Variants in GATAD2B observed in about 807,000 individuals in gnomAD.
GATAD2B encodes GATA zinc finger domain containing 2B, also known as transcriptional repressor p66-beta.
A neutral mutation model predicts 64.3 loss-of-function variants in GATAD2B; 8 were observed. The ratio of observed to expected loss-of-function variants is 0.12; its 90% CI spans 0.07 to 0.22. The LOEUF is 0.22. GATAD2B is among the 10% of genes least tolerant of loss of function. The probability of loss-of-function intolerance (pLI) is 1.00; values close to 1 mark genes in which losing one functional copy is unlikely to be tolerated. For synonymous variants in GATAD2B, 281 were observed against 271.3 expected, an observed-to-expected ratio of 1.04 and a Z score of -0.35; for missense variants, 453 against 752.0, an observed-to-expected ratio of 0.60 and a Z score of 4.65.
intron 1 of GATAD2B, among the ~76,000 whole-genome samples, chr1:153,847,044 G>A (rs1156583181): frequency 6.6e-6 from 1 of 152,004 alleles, no homozygotes; most frequent in African/African-American, 2.4e-5. Context: ...CTGGCTCACT[G>A]CAACCTCTGC....
intron 1 of GATAD2B, among the ~76,000 whole-genome samples, chr1:153,876,896 G>A (rs962104474): frequency 1.3e-5 from 2 of 152,042 alleles, no homozygotes; most frequent in Non-Finnish European, 2.9e-5. Flanking sequence ...TCAGCTACTC[G>A]GGAGGCTGAG....
At chr1:153,838,586 G>A (rs1333606641) in intron 1 of GATAD2B, among the ~76,000 whole-genome samples, 1 of 151,858 alleles carries the variant, frequency 6.6e-6, no homozygotes, top group African/African-American at 2.4e-5. Context: ...ACTGAAGCCT[G>A]GGCCCCCGGG....
rs1295660271 is a variant in GATAD2B at position 153,851,533 on chromosome 1, G to A, written c.-1-23185C>T. On this transcript the variant is annotated intron_variant, in intron 1 of 10. Transcript: ENST00000368655. The stretch of plus-strand genomic sequence containing the variant: ...TTGATGTGTACTTCTCTGATGATTA[G>A]CAATGTTGAGCAATTTTTCATATAC... 2.6e-5 allele frequency among the ~76,000 whole-genome samples: 4 copies of A among 152,200 alleles called. No homozygotes were observed. In the South Asian group the frequency reaches 6.2e-4, roughly 24 times the overall value.
chr1:153,861,842 G>A lies in GATAD2B; in HGVS notation c.-1-33494C>T, dbSNP rs901933475. 5.0e-5 allele frequency among the ~76,000 whole-genome samples: 7 copies of A among 138,918 alleles called. No homozygotes were observed. The South Asian group carries it at 1.6e-3, about 32-fold the overall frequency. The allele number at this position is 138,918 out of a possible 152,430, so 91.1% of individuals were successfully genotyped here. ...TGTATATATATGTATATGTATATATGTATGTACGTATATGTATATATGTAT... is the reference window on the plus strand; with the variant it reads ...TGTATATATATGTATATGTATATATATATGTACGTATATGTATATATGTAT... On this transcript the variant is annotated intron_variant, in intron 1 of 10. Transcript: ENST00000368655.
chr1:153,868,512 T>C (rs1419151093), intron 1 of GATAD2B, among the ~76,000 whole-genome samples: 1 of 151,988 alleles, frequency 6.6e-6, no homozygotes, highest in Non-Finnish European at 1.5e-5. Context: ...AGGTAGGAGT[T>C]CTTTTTTAAA....
At chr1:153,911,593 G>A (rs566447797) in intron 1 of GATAD2B, among the ~76,000 whole-genome samples, 9 of 152,032 alleles carry the variant, frequency 5.9e-5, no homozygotes, top group East Asian at 1.9e-4. Flanking sequence ...AAAATCAGCC[G>A]GGCATGGTGG....
At chr1:153,920,853 A>G (rs924244290) in intron 1 of GATAD2B, among the ~76,000 whole-genome samples, 6 of 152,142 alleles carry the variant, frequency 3.9e-5, no homozygotes, top group Non-Finnish European at 8.8e-5. Flanking sequence ...AAAAAACTCT[A>G]TTCCCCTAAA....
chr1:153,870,576 A>C (rs1676630536), intron 1 of GATAD2B, among the ~76,000 whole-genome samples: 1 of 152,192 alleles, frequency 6.6e-6, no homozygotes, highest in African/African-American at 2.4e-5. Context: ...CCGTCTCAAA[A>C]AAAAGGAAAA....
intron 1 of GATAD2B, among the ~76,000 whole-genome samples, chr1:153,856,065 T>A (rs993554815): frequency 6.6e-6 from 1 of 152,124 alleles, no homozygotes; most frequent in African/African-American, 2.4e-5. Flanking sequence ...CTCTGCTGGG[T>A]TCATGGCCAC....
intron 1 of GATAD2B, among the ~76,000 whole-genome samples, chr1:153,891,563 T>A (rs1466880816): frequency 9.9e-6 from 1 of 100,552 alleles, no homozygotes; most frequent in Non-Finnish European, 1.9e-5. Flanking sequence ...AAAGTGAAAC[T>A]CTGTCTCGTT....
intron 1 of GATAD2B, among the ~76,000 whole-genome samples, chr1:153,872,893 T>G (rs1052722181): frequency 2.6e-5 from 4 of 152,166 alleles, no homozygotes; most frequent in African/African-American, 9.7e-5. Flanking sequence ...ACACAAAATA[T>G]TCAAAAGCCA....
At chr1:153,907,684 G>T (rs924562641) in intron 1 of GATAD2B, among the ~76,000 whole-genome samples, 53 of 151,156 alleles carry the variant, frequency 3.5e-4, no homozygotes, top group African/African-American at 1.2e-3. Context: ...TGTCACCCAG[G>T]TTGGGATGCA....
intron 1 of GATAD2B, among the ~76,000 whole-genome samples, chr1:153,854,247 A>C (rs928409481): frequency 3.3e-5 from 5 of 151,982 alleles, no homozygotes; most frequent in African/African-American, 7.3e-5. Context: ...CTAAAAATAC[A>C]AAAAAATTAG....
At chr1:153,918,878 G>A (rs1678346172) in intron 1 of GATAD2B, among the ~76,000 whole-genome samples, 1 of 152,022 alleles carries the variant, frequency 6.6e-6, no homozygotes, top group Admixed American at 6.6e-5. Context: ...TTGAACCCAG[G>A]AGGCAGAGGT....
rs35262137 is a variant in GATAD2B at position 153,839,108 on chromosome 1, C to CAAAAAAA, written c.-1-10767_-1-10761dup. Among the ~76,000 whole-genome samples the CAAAAAAA allele has an allele frequency of 1.5e-3, 116 of 78,552 alleles. 1 individual carries two copies. The highest frequency in any genetic ancestry group is 3.1e-3 in the African/African-American group (50 of 16,256). The allele number at this position is 78,552 out of a possible 152,430, so 51.5% of individuals were successfully genotyped here. On this transcript the variant is annotated intron_variant, in intron 1 of 10. Transcript: ENST00000368655. ...TGGGTGACAGAACGAGACCCTGTCT[C>CAAAAAAA]AAAAAAAAAAAAAAAAAAAAAAAAA...
At chr1:153,870,620 C>T (rs1219554361) in intron 1 of GATAD2B, among the ~76,000 whole-genome samples, 2 of 152,018 alleles carry the variant, frequency 1.3e-5, no homozygotes, top group Non-Finnish European at 2.9e-5. Context: ...AAAAAAATTC[C>T]ACATCAAAAT....
At chr1:153,824,586 TG>T (rs1674803245) in intron 2 of GATAD2B, among the ~76,000 whole-genome samples, 1 of 122,426 alleles carries the variant, frequency 8.2e-6, no homozygotes, top group African/African-American at 3.1e-5. Context: ...TACTCCAGCC[TG>T]GGCAACAGAG....
At chr1:153,916,040 G>A (rs1678255166) in intron 1 of GATAD2B, among the ~76,000 whole-genome samples, 1 of 152,172 alleles carries the variant, frequency 6.6e-6, no homozygotes, top group Non-Finnish European at 1.5e-5. Flanking sequence ...AGTACTTTGG[G>A]AGGCCCAGGT....
intron 1 of GATAD2B, chr1:153,852,499 C>T (rs1675935717): frequency 6.5e-6 from 5 of 764,208 alleles, no homozygotes; most frequent in South Asian, 5.4e-5. Context: ...TCGATGTGCT[C>T]TGCACAGTGG....
Sources: gnomAD v4.1 joint callset for allele counts (sites outside exome capture counted in the v4.1 genomes callset) on GRCh38, gnomAD v4.1.1 for gene constraint, MANE v1.5 for transcripts, NCBI Gene and HGNC (gene_info 2026-07-23, HGNC 2026-07-21) for gene names.